Variants in MYO1D observed in about 807,000 individuals in gnomAD.
The protein encoded by MYO1D is unconventional myosin-Id.
A neutral mutation model predicts 122.0 loss-of-function variants in MYO1D; 83 were observed. That is an observed-to-expected ratio of 0.68 (90% CI 0.57 to 0.82). The LOEUF (loss-of-function observed/expected upper bound fraction) is 0.82. Among genes scored for constraint, MYO1D ranks in the 40% least tolerant of loss-of-function variants. The probability of loss-of-function intolerance (pLI) is 0.00; values close to 1 mark genes in which losing one functional copy is unlikely to be tolerated. For synonymous variants in MYO1D, 464 were observed against 446.9 expected (o/e 1.04, Z -0.48); for missense variants, 1,157 against 1,269.5 (o/e 0.91, Z 1.35).
intron 20 of MYO1D, among the ~76,000 whole-genome samples, chr17:32,615,069 A>G (rs956730533): frequency 4.6e-5 from 7 of 152,216 alleles, no homozygotes; most frequent in Non-Finnish European, 7.3e-5. Flanking sequence ...CAAGAACATA[A>G]TAAAGTAGCG....
At chr17:32,730,360 T>G (rs538025398) in intron 14 of MYO1D, among the ~76,000 whole-genome samples, 1 of 152,172 alleles carries the variant, frequency 6.6e-6, no homozygotes, top group Non-Finnish European at 1.5e-5. Context: ...GTATTTTCCA[T>G]TCCACAAAAT....
chr17:32,822,520 C>G (rs1166048188), intron 1 of MYO1D, among the ~76,000 whole-genome samples: 1 of 151,138 alleles, frequency 6.6e-6, no homozygotes, highest in Admixed American at 6.6e-5. Context: ...CTTCGGTTCC[C>G]GCCTCCTCCC....
chr17:32,528,226 T>G (rs1910404461), intron 21 of MYO1D, among the ~76,000 whole-genome samples: 1 of 152,184 alleles, frequency 6.6e-6, no homozygotes, highest in Non-Finnish European at 1.5e-5. Flanking sequence ...CCAGTGGTTT[T>G]GGGGAAGAAG....
chr17:32,512,028 T>A (rs1909712329), intron 21 of MYO1D, among the ~76,000 whole-genome samples: 1 of 152,044 alleles, frequency 6.6e-6, no homozygotes, highest in Admixed American at 6.6e-5. Context: ...TGGCTGGGTG[T>A]GGCAGCTCAT....
chr17:32,635,678 G>A (rs991637693), intron 20 of MYO1D, among the ~76,000 whole-genome samples: 9 of 152,136 alleles, frequency 5.9e-5, no homozygotes, highest in Admixed American at 5.2e-4. Flanking sequence ...GGGTGACAGA[G>A]CAAGACTCCG....
chr17:32,590,699 C>G (rs1359771526), intron 21 of MYO1D, among the ~76,000 whole-genome samples: 1 of 152,054 alleles, frequency 6.6e-6, no homozygotes, highest in Non-Finnish European at 1.5e-5. Context: ...GCTGCTAAGA[C>G]CTGAAATAAA....
At chr17:32,614,209 G>A (rs973705914) in intron 20 of MYO1D, among the ~76,000 whole-genome samples, 11 of 150,824 alleles carry the variant, frequency 7.3e-5, no homozygotes, top group Non-Finnish European at 1.2e-4. Context: ...CACCTCTAAG[G>A]GACTTCATTC....
chr17:32,595,830 A>C (rs189926104), intron 21 of MYO1D, among the ~76,000 whole-genome samples: 2 of 152,280 alleles, frequency 1.3e-5, no homozygotes, highest in African/African-American at 4.8e-5. Context: ...GGTGGAGTTG[A>C]CAGCCATGGG....
chr17:32,655,703 ACTTTGGC>A (rs1350824232), intron 17 of MYO1D, among the ~76,000 whole-genome samples: 2 of 152,150 alleles, frequency 1.3e-5, no homozygotes, highest in Non-Finnish European at 2.9e-5. Context: ...CATGATGAGG[ACTTTGGC>A]CTTTCCTCTG....
At chr17:32,502,942 C>T (rs1909366865) in intron 21 of MYO1D, among the ~76,000 whole-genome samples, 1 of 152,170 alleles carries the variant, frequency 6.6e-6, no homozygotes, top group Admixed American at 6.5e-5. Context: ...TTTTCCCTCC[C>T]CATCCTCTGT....
At chr17:32,668,595 G>A (rs565923701) in intron 16 of MYO1D, among the ~76,000 whole-genome samples, 20 of 151,530 alleles carry the variant, frequency 1.3e-4, no homozygotes, top group South Asian at 1.2e-3. Flanking sequence ...AATGCTCCCC[G>A]AAAAAAGGGT....
At chr17:32,659,630 C>T (rs1421529566) in intron 16 of MYO1D, among the ~76,000 whole-genome samples, 2 of 152,170 alleles carry the variant, frequency 1.3e-5, no homozygotes, top group Non-Finnish European at 2.9e-5. Context: ...AAGAAGAAAG[C>T]CAAAATGCAA....
At chr17:32,538,292 T>C (rs1187809929) in intron 21 of MYO1D, among the ~76,000 whole-genome samples, 2 of 148,678 alleles carry the variant, frequency 1.3e-5, no homozygotes, top group Non-Finnish European at 3.0e-5. Flanking sequence ...CTTTTTTTTT[T>C]TTTTTAGAGA....
At chr17:32,509,640 A>G (rs566904446) in intron 21 of MYO1D, among the ~76,000 whole-genome samples, 240 of 150,924 alleles carry the variant, frequency 1.6e-3, no homozygotes, top group Non-Finnish European at 2.8e-3. Context: ...GCTGGAGTGC[A>G]GTGGTGCGAT....
intron 20 of MYO1D, among the ~76,000 whole-genome samples, chr17:32,629,704 C>G (rs1201826487): frequency 6.7e-6 from 1 of 148,726 alleles, no homozygotes; most frequent in Non-Finnish European, 1.5e-5. Context: ...ACACTCCAGC[C>G]TGGGTGACAA....
In MYO1D at chr17:32,665,573, T is replaced by C. The variant is rs1177418424; in HGVS notation, c.2122-6235A>G. On this transcript the variant is annotated intron_variant, in intron 16 of 21. Coordinates refer to ENST00000318217, the MANE Select transcript of MYO1D (RefSeq NM_015194.3). ...TTTTAAAAGCATGTTGCTCTTACTT[T>C]ATGAATGCAACATCTCATCCCACCT... is the stretch of plus-strand genomic sequence containing the variant. Among the ~76,000 whole-genome samples, 4 of 152,368 alleles carry C rather than the reference T, an allele frequency of 2.6e-5. No individual in the cohort carries two copies. In the East Asian group the frequency reaches 7.7e-4, roughly 29 times the overall value.
chr17:32,653,607 CAAA>C (rs35172819), intron 19 of MYO1D, among the ~76,000 whole-genome samples: 108 of 99,962 alleles, frequency 1.1e-3, no homozygotes, highest in Admixed American at 1.5e-3. Context: ...ACTCCGTCTC[CAAA>C]AAAAAAAAAA....
At chr17:32,507,237 C>CA (rs200491614) in intron 21 of MYO1D, among the ~76,000 whole-genome samples, 5,630 of 150,194 alleles carry the variant, frequency 0.037, 340 homozygotes, top group African/African-American at 0.13. Context: ...CCTGTCTTTA[C>CA]AAAAAATAAA....
intron 16 of MYO1D, among the ~76,000 whole-genome samples, chr17:32,683,451 T>C (rs2088952895): frequency 6.6e-6 from 1 of 151,890 alleles, no homozygotes; most frequent in Admixed American, 6.6e-5. Flanking sequence ...TTCTGTTTGT[T>C]AAGTTTTCCT....
Sources: gnomAD v4.1 joint callset for allele counts (sites outside exome capture counted in the v4.1 genomes callset) on GRCh38, gnomAD v4.1.1 for gene constraint, MANE v1.5 for transcripts, NCBI Gene and HGNC (gene_info 2026-07-23, HGNC 2026-07-21) for gene names.